ITPKB: variants seen among roughly 807,000 people sequenced by gnomAD.
The protein encoded by ITPKB is inositol-trisphosphate 3-kinase B.
ITPKB carries 13 observed loss-of-function variants against 69.4 expected under a neutral mutation model. The ratio of observed to expected loss-of-function variants is 0.19; its 90% CI spans 0.12 to 0.30. The LOEUF is 0.30. Ranked by LOEUF, ITPKB falls within the 10% of genes least tolerant of loss-of-function variation. The pLI is 1.00. For synonymous variants in ITPKB, 584 were observed against 513.7 expected (o/e 1.14, Z -1.85); for missense variants, 1,240 against 1,250.5 (o/e 0.99, Z 0.13).
chr1:226,683,532 G>C (rs907872139), intron 2 of ITPKB, among the ~76,000 whole-genome samples: 1 of 152,052 alleles, frequency 6.6e-6, no homozygotes, highest in African/African-American at 2.4e-5. Context: ...TCTCCACCAT[G>C]CTATGCCCCA....
chr1:226,641,946 A>G lies in ITPKB; in HGVS notation c.2426T>C (p.Leu809Pro). ...WRETISSTATLGFRIEGIKKE... is the reference protein window; with the variant it reads ...WRETISSTATPGFRIEGIKKE... ...CTTGATTCCCTCGATCCTGAACCCC[A>G]GGGTGGCCGTGGAGCTGATGGTCTC... Residue 809 changes from leucine (L) to proline (P), a missense_variant, in exon 5 of 8, where the codon CTG becomes CCG. By Grantham distance (98) the Leu-to-Pro change is moderately conservative (BLOSUM62 -3). This residue lies in a region of ITPKB where 248 missense variants were observed against 396.7 expected (regional missense o/e 0.63). Transcript: ENST00000429204. The surrounding 1 kb of genome is among the most constrained non-coding windows in gnomAD (Gnocchi z 4.6). 1 of 1,613,838 alleles carries G rather than the reference A, an allele frequency of 6.2e-7. No individual in the cohort carries two copies. The highest frequency in any genetic ancestry group is 8.5e-7 in the Non-Finnish European group (1 of 1,179,938).
At chr1:226,665,071 T>C (rs548905506) in intron 2 of ITPKB, among the ~76,000 whole-genome samples, 20 of 152,238 alleles carry the variant, frequency 1.3e-4, no homozygotes, top group Non-Finnish European at 2.6e-4. Flanking sequence ...TTTTCTAAAT[T>C]AGTTGCTAAC....
chr1:226,689,936 G>A (rs1263269020), intron 2 of ITPKB, among the ~76,000 whole-genome samples: 2 of 152,140 alleles, frequency 1.3e-5, no homozygotes, highest in East Asian at 3.9e-4. Flanking sequence ...TTCCTGCAAA[G>A]GACATGATCT....
chr1:226,712,369 C>T (rs1034435366), intron 2 of ITPKB, among the ~76,000 whole-genome samples: 2 of 152,130 alleles, frequency 1.3e-5, no homozygotes, highest in Non-Finnish European at 2.9e-5. Flanking sequence ...TCCTAGGATA[C>T]GTGAAGGGTA....
chr1:226,653,280 A>G (rs1669230293), intron 2 of ITPKB, among the ~76,000 whole-genome samples: 3 of 152,164 alleles, frequency 2.0e-5, no homozygotes, highest in Admixed American at 1.3e-4. Flanking sequence ...TTCCGTGCCT[A>G]TCAACGAGTG....
In ITPKB at chr1:226,639,598, C is replaced by T. The variant is rs564970025; in HGVS notation, c.2512G>A (p.Glu838Lys). 6.8e-6 allele frequency: 11 copies of T among 1,613,976 alleles called. No individual in the cohort carries two copies. Among genetic ancestry groups the T allele is most frequent in the African/African-American group, 5.3e-5 (4 of 75,048 alleles). Reference protein sequence around the residue: ...KKTKTREQVTEAFREFTKGNH... With the variant: ...KKTKTREQVTKAFREFTKGNH... ...CCTTTAGTGAACTCTCTGAAGGCCT[C>T]GGTGACCTGCTCCCTCGTTTTGGTC... Residue 838 changes from glutamate to lysine, a missense_variant, in exon 6 of 8, where the codon GAG becomes AAG. Transcript: ENST00000429204.
At chr1:226,732,534 A>T (rs1362670188) in intron 2 of ITPKB, among the ~76,000 whole-genome samples, 1 of 149,128 alleles carries the variant, frequency 6.7e-6, no homozygotes, top group Admixed American at 6.7e-5. Flanking sequence ...CACCGTGCCC[A>T]GCGTTCTTTT....
rs56305018 is a variant in ITPKB at position 226,735,782 on chromosome 1, C to G, written c.1677G>C (p.Lys559Asn). ...PQDPDKPFLRKACSPSNIPAV... is the reference protein window; with the variant it reads ...PQDPDKPFLRNACSPSNIPAV... Reference sequence around the variant, plus strand: ...CAGGTATGTTGCTGGGGCTGCAGGCCTTCCTCAGGAAAGGCTTGTCCGGAT... The same window carrying G: ...CAGGTATGTTGCTGGGGCTGCAGGCGTTCCTCAGGAAAGGCTTGTCCGGAT... The change falls in exon 2 of 8, where the codon AAG (lysine) becomes AAC (asparagine). Residue 559 changes from lysine to asparagine, a missense_variant. Physicochemically the swap from Lys to Asn is moderately conservative, Grantham distance 94. Coordinates refer to ENST00000429204, the MANE Select transcript of ITPKB (RefSeq NM_002221.4). 6.2e-7 allele frequency: 1 copy of G among 1,602,594 alleles called. No individual in the cohort carries two copies. Among genetic ancestry groups the G allele is most frequent in the African/African-American group, 1.3e-5 (1 of 74,838 alleles).
At chr1:226,714,695 A>C (rs942237243) in intron 2 of ITPKB, among the ~76,000 whole-genome samples, 1 of 152,218 alleles carries the variant, frequency 6.6e-6, no homozygotes, top group African/African-American at 2.4e-5. Context: ...ATATCTGAGA[A>C]TATTTCTCTT....
intron 2 of ITPKB, among the ~76,000 whole-genome samples, chr1:226,691,251 CCT>C (rs1204969666): frequency 1.3e-5 from 2 of 150,990 alleles, no homozygotes; most frequent in African/African-American, 4.9e-5. Context: ...AAAAAAAAAA[CCT>C]CTGTTTTTTC....
At chr1:226,650,001 A>G (rs754502751) in intron 2 of ITPKB, among the ~76,000 whole-genome samples, 4 of 152,216 alleles carry the variant, frequency 2.6e-5, no homozygotes, top group African/African-American at 7.2e-5. Context: ...AGTTCCTGAG[A>G]AAGTGGATCC....
chr1:226,691,237 T>TA (rs74258786), intron 2 of ITPKB, among the ~76,000 whole-genome samples: 3,143 of 144,040 alleles, frequency 0.022, 112 homozygotes, highest in African/African-American at 0.072. Flanking sequence ...TTGCCACATT[T>TA]AAAAAAAAAA....
intron 2 of ITPKB, among the ~76,000 whole-genome samples, chr1:226,672,969 A>G (rs1245466998): frequency 1.3e-5 from 2 of 152,224 alleles, no homozygotes; most frequent in Non-Finnish European, 2.9e-5. Flanking sequence ...AACCTGCCAC[A>G]CTGTGAATGA....
At position 226,736,041 on chromosome 1, in the gene ITPKB, C is replaced by T. The variant is rs1390509598; in HGVS notation, c.1418G>A (p.Gly473Asp). 2 of 1,613,564 alleles carry T rather than the reference C, an allele frequency of 1.2e-6. No individual in the cohort carries two copies. Among genetic ancestry groups the T allele is most frequent in the Non-Finnish European group, 1.7e-6 (2 of 1,179,994 alleles). Reference sequence around the variant, plus strand: ...ACAGGGCAAAGGCTCCAGCATTCTGCCAGAAGGAATTCCCGCCTCCACATT... The same window carrying T: ...ACAGGGCAAAGGCTCCAGCATTCTGTCAGAAGGAATTCCCGCCTCCACATT... ...TGNVEAGIPS[G>D]RMLEPLPCWD... The change falls in exon 2 of 8, where the codon GGC becomes GAC. Residue 473 changes from glycine to aspartate, a missense_variant. This residue lies in a region of ITPKB where 992 missense variants were observed against 853.8 expected (regional missense o/e 1.16). Transcript: ENST00000429204.
chr1:226,706,866 G>A (rs376618427), intron 2 of ITPKB, among the ~76,000 whole-genome samples: 59 of 152,336 alleles, frequency 3.9e-4, no homozygotes, highest in African/African-American at 1.3e-3. Context: ...CAGATGGCCA[G>A]GGGACTGGGG....
intron 2 of ITPKB, among the ~76,000 whole-genome samples, chr1:226,667,351 A>G (rs1669522296): frequency 6.6e-6 from 1 of 152,230 alleles, no homozygotes; most frequent in South Asian, 2.1e-4. Context: ...CCAAGACCCA[A>G]GAGTCTGGTT....
At chr1:226,713,664 G>A (rs762534698) in intron 2 of ITPKB, among the ~76,000 whole-genome samples, 4 of 152,130 alleles carry the variant, frequency 2.6e-5, no homozygotes, top group Non-Finnish European at 4.4e-5. Flanking sequence ...GCATCTCTTC[G>A]CTCTCAGACT....
intron 2 of ITPKB, among the ~76,000 whole-genome samples, chr1:226,705,341 C>T (rs1432213970): frequency 2.9e-5 from 4 of 140,044 alleles, no homozygotes; most frequent in African/African-American, 7.3e-5. Context: ...ACCAGCCTGA[C>T]CAACATGGAG....
At chr1:226,709,726 G>A (rs184031277) in intron 2 of ITPKB, among the ~76,000 whole-genome samples, 150 of 152,326 alleles carry the variant, frequency 9.8e-4, no homozygotes, top group Admixed American at 9.1e-4. Context: ...GCCCTCACCT[G>A]TCCCTGTCTA....
Sources: gnomAD v4.1 joint callset for allele counts (sites outside exome capture counted in the v4.1 genomes callset) on GRCh38, gnomAD v4.1.1 for gene constraint, gnomAD v4.1.1 regional missense constraint, Gnocchi (gnomAD v3.1) non-coding constraint, MANE v1.5 for transcripts, NCBI Gene and HGNC (gene_info 2026-07-23, HGNC 2026-07-21) for gene names.